The following SPESP1 variants were observed in gnomAD, a reference collection of about 807,000 sequenced individuals.
The protein encoded by SPESP1 is equatorial segment protein.
SPESP1 carries 1 observed loss-of-function variant against 3.1 expected under a neutral mutation model. The ratio of observed to expected loss-of-function variants is 0.33; its 90% CI spans 0.12 to 1.54. The LOEUF (loss-of-function observed/expected upper bound fraction) is 1.54, where lower values mean the gene tolerates loss of function less well. SPESP1 is among the 40% of genes most tolerant of loss of function. The pLI, the probability that SPESP1 is intolerant of heterozygous loss-of-function variation, is 0.38. For synonymous variants in SPESP1, 138 were observed against 150.7 expected, an observed-to-expected ratio of 0.92 and a Z score of 0.62; for missense variants, 398 against 410.1, an observed-to-expected ratio of 0.97 and a Z score of 0.26.
chr15:68,944,152 A>G (rs957106231), intron 1 of SPESP1, among the ~76,000 whole-genome samples: 6 of 152,162 alleles, frequency 3.9e-5, no homozygotes, highest in African/African-American at 9.7e-5. Context: ...TGCCCATGGT[A>G]AAAAACCATA....
chr15:68,936,736 T>A (rs1895691768), intron 1 of SPESP1, among the ~76,000 whole-genome samples: 1 of 152,206 alleles, frequency 6.6e-6, no homozygotes, highest in South Asian at 2.1e-4. Context: ...TTACTTACAT[T>A]AAAATTATGT....
chr15:68,933,581 G>C (rs1337570690), intron 1 of SPESP1, among the ~76,000 whole-genome samples: 6 of 151,624 alleles, frequency 4.0e-5, no homozygotes, highest in Admixed American at 2.6e-4. Context: ...TGCACAGGCC[G>C]GGCACGGTGT....
intron 1 of SPESP1, among the ~76,000 whole-genome samples, chr15:68,935,560 A>G (rs1181928091): frequency 1.3e-5 from 2 of 152,224 alleles, no homozygotes; most frequent in African/African-American, 4.8e-5. Context: ...CGAAGCCTAC[A>G]CTGTATCAGA....
chr15:68,946,106 G>C lies in SPESP1; in HGVS notation c.572G>C (p.Gly191Ala). 2 of 1,613,872 alleles carry C rather than the reference G, an allele frequency of 1.2e-6. No individual in the cohort carries two copies. The highest frequency in any genetic ancestry group is 1.7e-6 in the Non-Finnish European group (2 of 1,179,948). ...ACTTTAGATAAGAGCACTGGCATTGGGATCTCTACAGAATCAGAAGATGTT... is the reference window on the plus strand; with the variant it reads ...ACTTTAGATAAGAGCACTGGCATTGCGATCTCTACAGAATCAGAAGATGTT... The part of the protein sequence containing the change: ...VTTLDKSTGI[G>A]ISTESEDVPQ... The change falls in exon 2 of 2, where the codon GGG (glycine) becomes GCG (alanine). Residue 191 changes from glycine to alanine, a missense_variant. Transcript: ENST00000310673.
At chr15:68,942,159 C>T (rs1203693028) in intron 1 of SPESP1, among the ~76,000 whole-genome samples, 4 of 141,568 alleles carry the variant, frequency 2.8e-5, no homozygotes, top group Non-Finnish European at 6.1e-5. Context: ...ATGTAAACAA[C>T]ATCTTATTTC....
chr15:68,933,725 G>A (rs1338207220), intron 1 of SPESP1, among the ~76,000 whole-genome samples: 1 of 151,944 alleles, frequency 6.6e-6, no homozygotes, highest in African/African-American at 2.4e-5. Flanking sequence ...CAGATGTGGT[G>A]GGGCAGGCCT....
chr15:68,940,821 T>G (rs1895803495), intron 1 of SPESP1, among the ~76,000 whole-genome samples: 1 of 151,268 alleles, frequency 6.6e-6, no homozygotes, highest in Admixed American at 6.6e-5. Context: ...AAGAAATACA[T>G]AACGTCGGAT....
chr15:68,932,359 AT>A (rs1424255193), intron 1 of SPESP1, among the ~76,000 whole-genome samples: 5 of 149,306 alleles, frequency 3.3e-5, no homozygotes, highest in Non-Finnish European at 7.4e-5. Flanking sequence ...TAACACCATA[AT>A]TTTCCCCTCC....
At chr15:68,945,156 G>A (rs1040710585) in intron 1 of SPESP1, among the ~76,000 whole-genome samples, 2 of 152,170 alleles carry the variant, frequency 1.3e-5, no homozygotes, top group Non-Finnish European at 2.9e-5. Context: ...TGTAAATGTA[G>A]ATAAGTTAAT....
intron 1 of SPESP1, among the ~76,000 whole-genome samples, chr15:68,936,329 G>A (rs1448436293): frequency 2.0e-5 from 3 of 152,056 alleles, no homozygotes; most frequent in Admixed American, 2.0e-4. Context: ...TACTGGCCAA[G>A]GGCAAAGTAG....
rs1311302273 is a variant in SPESP1 at position 68,946,102 on chromosome 15, A to G, written c.568A>G (p.Ile190Val). Residue 190 changes from isoleucine to valine, a missense_variant, in exon 2 of 2, where the codon ATT becomes GTT. Coordinates refer to ENST00000310673, the MANE Select transcript of SPESP1 (RefSeq NM_145658.4). ...PVTTLDKSTG[I>V]GISTESEDVP... ...CACCACTTTAGATAAGAGCACTGGC[A>G]TTGGGATCTCTACAGAATCAGAAGA... The G allele has an allele frequency of 6.2e-7, 1 of 1,614,224 alleles. No individual in the cohort carries two copies. Among genetic ancestry groups the G allele is most frequent in the Non-Finnish European group, 8.5e-7 (1 of 1,180,018 alleles).
intron 1 of SPESP1, among the ~76,000 whole-genome samples, chr15:68,937,636 C>G (rs541353250): frequency 6.6e-6 from 1 of 151,988 alleles, no homozygotes; most frequent in Non-Finnish European, 1.5e-5. Context: ...CACCAACAGG[C>G]GGTGGTGTGT....
At chr15:68,939,828 C>T (rs1895772132) in intron 1 of SPESP1, 1 of 152,154 alleles carries the variant, frequency 6.6e-6, no homozygotes, top group Non-Finnish European at 1.5e-5. Flanking sequence ...TCCTTTGGCA[C>T]TCTAACTCAC....
In SPESP1 at chr15:68,946,671, A is replaced by C. The variant is rs1420325405; in HGVS notation, c.*84A>C. Reference sequence around the variant, plus strand: ...AACTGCATTTTTTCACAGGAGAAATAATCATATTCGTAATTTCAAAAGTTG... The same window carrying C: ...AACTGCATTTTTTCACAGGAGAAATCATCATATTCGTAATTTCAAAAGTTG... On this transcript the variant is annotated 3_prime_UTR_variant, in exon 2 of 2. Transcript: ENST00000310673. 1 of 1,292,248 alleles carries C rather than the reference A, an allele frequency of 7.7e-7. No homozygotes were observed. Among genetic ancestry groups the C allele is most frequent in the Non-Finnish European group, 9.9e-7 (1 of 1,011,826 alleles). 80.0% of individuals were successfully genotyped at this position (1,292,248 alleles called of 1,614,324 possible).
At position 68,945,884 on chromosome 15, in the gene SPESP1, A is replaced by AAAGTACCCCATTCTGGTCGATCAAACC. The variant is rs1310126653; in HGVS notation, c.353_379dup (p.Ser118_Pro126dup). 6.2e-7 allele frequency: 1 copy of AAAGTACCCCATTCTGGTCGATCAAACC among 1,614,134 alleles called. No individual in the cohort carries two copies. The highest frequency in any genetic ancestry group is 8.5e-7 in the Non-Finnish European group (1 of 1,180,022). On this transcript the variant is annotated inframe_insertion, in exon 2 of 2. Coordinates refer to ENST00000310673, the MANE Select transcript of SPESP1 (RefSeq NM_145658.4). ...GAAATAGGAAAGAAAAAACACACGG[A>AAAGTACCCCATTCTGGTCGATCAAACC]AAGTACCCCATTCTGGTCGATCAAA...
intron 1 of SPESP1, among the ~76,000 whole-genome samples, chr15:68,931,518 C>T (rs1377912402): frequency 6.6e-6 from 1 of 152,050 alleles, no homozygotes; most frequent in Admixed American, 6.6e-5. Context: ...AAAGGTTGAC[C>T]CGTACGGTAA....
chr15:68,932,641 C>T (rs1895579006), intron 1 of SPESP1, among the ~76,000 whole-genome samples: 1 of 152,180 alleles, frequency 6.6e-6, no homozygotes, highest in Non-Finnish European at 1.5e-5. Context: ...ATCCATCCGC[C>T]TCGGCCTTGC....
chr15:68,942,948 T>G (rs1317589787), intron 1 of SPESP1, among the ~76,000 whole-genome samples: 1 of 152,110 alleles, frequency 6.6e-6, no homozygotes, highest in Non-Finnish European at 1.5e-5. Flanking sequence ...CATAAATAAG[T>G]TATTTTCCTT....
chr15:68,943,553 T>C (rs534367388), intron 1 of SPESP1, among the ~76,000 whole-genome samples: 90 of 152,192 alleles, frequency 5.9e-4, no homozygotes, highest in African/African-American at 2.0e-3. Flanking sequence ...TGAGGTGAAA[T>C]GGGTTAATAT....
Sources: gnomAD v4.1 joint callset for allele counts (sites outside exome capture counted in the v4.1 genomes callset) on GRCh38, gnomAD v4.1.1 for gene constraint, MANE v1.5 for transcripts, NCBI Gene and HGNC (gene_info 2026-07-23, HGNC 2026-07-21) for gene names.